Variants in RGS12 observed in about 807,000 individuals in gnomAD.
RGS12 encodes the protein regulator of G-protein signaling 12.
In RGS12, 66 loss-of-function variants were observed where a neutral mutation model predicts 120.1. The observed-to-expected ratio is 0.55, with a 90% confidence interval of 0.45 to 0.67. The LOEUF (loss-of-function observed/expected upper bound fraction) is 0.67. Ranked by LOEUF, RGS12 falls within the 30% of genes least tolerant of loss-of-function variation. The pLI, the probability that RGS12 is intolerant of heterozygous loss-of-function variation, is 0.00. For synonymous variants in RGS12, 827 were observed against 804.7 expected, an observed-to-expected ratio of 1.03 and a Z score of -0.47; for missense variants, 1,859 against 1,957.7, an observed-to-expected ratio of 0.95 and a Z score of 0.95.
intron 10 of RGS12, among the ~76,000 whole-genome samples, chr4:3,421,981 C>T (rs949730504): frequency 6.6e-6 from 1 of 152,194 alleles, no homozygotes; most frequent in Non-Finnish European, 1.5e-5. Context: ...TCCATTGGAA[C>T]GATGTGCATG....
chr4:3,353,589 G>A (rs192828385), intron 3 of RGS12, among the ~76,000 whole-genome samples: 69 of 152,258 alleles, frequency 4.5e-4, no homozygotes, highest in Non-Finnish European at 9.0e-4. Context: ...TTCACTAACC[G>A]TCTTGGTTTG....
At chr4:3,416,232 C>A in intron 7 of RGS12, 111 bp downstream of exon 7, 1 of 1,255,704 alleles carries the variant, frequency 8.0e-7, no homozygotes, top group Non-Finnish European at 1.1e-6. Flanking sequence ...GAGAGCATCA[C>A]AGACGCAGGT....
intron 4 of RGS12, among the ~76,000 whole-genome samples, chr4:3,409,522 G>T (rs1333339254): frequency 6.6e-6 from 1 of 152,196 alleles, no homozygotes; most frequent in Admixed American, 6.5e-5. Context: ...ACCAGTGTGG[G>T]AATGGGGAGA....
At position 3,401,617 on chromosome 4, in the gene RGS12, C is replaced by T. The variant is rs182169128; in HGVS notation, c.2021-12455C>T. Among the ~76,000 whole-genome samples the T allele has an allele frequency of 1.7e-4, 26 of 152,342 alleles. No individual in the cohort carries two copies. In the South Asian group the frequency reaches 2.1e-3, roughly 12 times the overall value. On this transcript the variant is annotated intron_variant, in intron 4 of 17. Coordinates refer to ENST00000336727, the MANE Select transcript of RGS12 (RefSeq NM_001394154.1). ...TTTACAGCGGGGGGAGTGTCTTGCC[C>T]AGTGAGGAAGGAGCGGAGCTCTGAG... is the stretch of plus-strand genomic sequence containing the variant.
At chr4:3,421,785 C>G (rs1354100721) in intron 10 of RGS12, among the ~76,000 whole-genome samples, 2 of 152,326 alleles carry the variant, frequency 1.3e-5, no homozygotes, top group East Asian at 3.9e-4. Context: ...CTGACTCCAC[C>G]TCTTCATGGG....
intron 3 of RGS12, among the ~76,000 whole-genome samples, chr4:3,367,027 G>A (rs1421340309): frequency 1.3e-5 from 2 of 152,184 alleles, no homozygotes; most frequent in Non-Finnish European, 2.9e-5. Context: ...GCTGGACCCA[G>A]AGCTCCCATC....
chr4:3,286,833 C>T, the RGS12 span, among the ~76,000 whole-genome samples: 2 of 152,206 alleles, frequency 1.3e-5, no homozygotes, highest in Non-Finnish European at 2.9e-5. Context: ...CCCGTCAGGC[C>T]CTTAGTGCGC....
chr4:3,395,319 C>G (rs1719942530), intron 4 of RGS12, among the ~76,000 whole-genome samples: 1 of 152,144 alleles, frequency 6.6e-6, no homozygotes, highest in South Asian at 2.1e-4. Flanking sequence ...GCTGTTTACT[C>G]TCCTAGCTGT....
At chr4:3,387,193 C>T (rs1315611110) in intron 4 of RGS12, among the ~76,000 whole-genome samples, 2 of 152,220 alleles carry the variant, frequency 1.3e-5, no homozygotes, top group Non-Finnish European at 2.9e-5. Context: ...GTGCACCTGG[C>T]ATCGCTGTGG....
In RGS12 at chr4:3,417,058, G is replaced by T. The variant is rs962320609; in HGVS notation, c.2573G>T (p.Gly858Val). Residue 858 changes from glycine to valine, a missense_variant, in exon 8 of 18, where the codon GGT (glycine) becomes GTT (valine). Coordinates refer to ENST00000336727, the MANE Select transcript of RGS12 (RefSeq NM_001394154.1). ...AGCCCGGCTTCCAAGCACAGCCTCG[G>T]TTCAGACCACTCCAGTGTGTCCACG... Reference protein sequence around the residue: ...PSSPASKHSLGSDHSSVSTPK... With the variant: ...PSSPASKHSLVSDHSSVSTPK... 1 of 1,612,048 alleles carries T rather than the reference G, an allele frequency of 6.2e-7. No homozygotes were observed. The highest frequency in any genetic ancestry group is 8.5e-7 in the Non-Finnish European group (1 of 1,178,942).
chr4:3,434,003 G>A (rs1299636891), intron 17 of RGS12, among the ~76,000 whole-genome samples: 1 of 152,246 alleles, frequency 6.6e-6, no homozygotes, highest in African/African-American at 2.4e-5. Context: ...TCCAGGGCAC[G>A]CTGGCAGAGG....
intron 4 of RGS12, among the ~76,000 whole-genome samples, chr4:3,394,998 G>A (rs980518752): frequency 1.1e-4 from 17 of 151,452 alleles, no homozygotes; most frequent in Admixed American, 5.3e-4. Context: ...GCAAAACCCC[G>A]TCTCTACCAA....
chr4:3,312,046 G>T (rs1292552780), intron 1 of RGS12, among the ~76,000 whole-genome samples: 1 of 152,188 alleles, frequency 6.6e-6, no homozygotes, highest in East Asian at 1.9e-4. Context: ...AAGGTGTGTA[G>T]GGGGAAGTTG....
At chr4:3,305,379 T>C (rs766146189) in intron 1 of RGS12, among the ~76,000 whole-genome samples, 28 of 152,130 alleles carry the variant, frequency 1.8e-4, no homozygotes, top group Admixed American at 4.6e-4. Context: ...GTCCCAGAGA[T>C]TCATGTCCCT....
chr4:3,293,122 G>A (rs1353810795), intron 1 of RGS12, 23 bp downstream of exon 1: 1 of 146,454 alleles, frequency 6.8e-6, no homozygotes, highest in East Asian at 2.0e-4. Flanking sequence ...GGCCGGGGCC[G>A]GGGCGGGGGC....
intron 1 of RGS12, among the ~76,000 whole-genome samples, chr4:3,298,546 T>C (rs1412280914): frequency 6.6e-6 from 1 of 152,178 alleles, no homozygotes. Context: ...TTTTTCATAG[T>C]CTCGTCATGT....
intron 4 of RGS12, among the ~76,000 whole-genome samples, chr4:3,399,605 A>G (rs1032302635): frequency 5.3e-5 from 8 of 152,238 alleles, no homozygotes; most frequent in African/African-American, 1.9e-4. Flanking sequence ...AATCTTTAGG[A>G]AAATATAAAT....
intron 4 of RGS12, among the ~76,000 whole-genome samples, chr4:3,397,523 G>A (rs1313585830): frequency 1.3e-5 from 2 of 152,344 alleles, no homozygotes; most frequent in East Asian, 1.9e-4. Flanking sequence ...GCAGTGGAAC[G>A]ACGTGAGAGG....
At chr4:3,406,565 C>T (rs75370300) in intron 4 of RGS12, among the ~76,000 whole-genome samples, 5,848 of 152,324 alleles carry the variant, frequency 0.038, 358 homozygotes, top group African/African-American at 0.13. Context: ...CCTGCAGTTG[C>T]TGTCGGGGGC....
Sources: gnomAD v4.1 joint callset for allele counts (sites outside exome capture counted in the v4.1 genomes callset) on GRCh38, gnomAD v4.1.1 for gene constraint, MANE v1.5 for transcripts, NCBI Gene and HGNC (gene_info 2026-07-23, HGNC 2026-07-21) for gene names.